Variants in NT5DC1 observed in about 807,000 individuals in gnomAD.
NT5DC1 encodes the protein 5'-nucleotidase domain-containing protein 1.
NT5DC1 carries 42 observed loss-of-function variants against 59.4 expected under a neutral mutation model. The ratio of observed to expected loss-of-function variants is 0.71; its 90% CI spans 0.55 to 0.92. The LOEUF (loss-of-function observed/expected upper bound fraction) is 0.92, where lower values mean the gene tolerates loss of function less well. Ranked by LOEUF, NT5DC1 falls within the 40% of genes least tolerant of loss-of-function variation. The probability of loss-of-function intolerance (pLI) is 0.00; values close to 1 mark genes in which losing one functional copy is unlikely to be tolerated. For synonymous variants in NT5DC1, 172 were observed against 188.1 expected, an observed-to-expected ratio of 0.91 and a Z score of 0.70; for missense variants, 501 against 537.1, an observed-to-expected ratio of 0.93 and a Z score of 0.66.
chr6:116,224,503 A>G (rs1367872315), intron 8 of NT5DC1, among the ~76,000 whole-genome samples: 1 of 152,242 alleles, frequency 6.6e-6, no homozygotes, highest in African/African-American at 2.4e-5. Flanking sequence ...AGGCCTCCTT[A>G]GAGTGGCTGG....
chr6:116,120,528 G>C, intron 6 of NT5DC1: 1 of 1,614,032 alleles, frequency 6.2e-7, no homozygotes, highest in Non-Finnish European at 8.5e-7. Flanking sequence ...CTGGGCCTTT[G>C]GCCTGCCTTT....
At chr6:116,224,587 G>A (rs1248087665) in intron 8 of NT5DC1, among the ~76,000 whole-genome samples, 1 of 152,214 alleles carries the variant, frequency 6.6e-6, no homozygotes, top group Non-Finnish European at 1.5e-5. Context: ...GTGCTGAGAA[G>A]AGCAGAGGAA....
At chr6:116,108,236 A>T (rs1205248783) in intron 2 of NT5DC1, 128 bp from the exon 3 acceptor site, 2 of 661,084 alleles carry the variant, frequency 3.0e-6, no homozygotes, top group Non-Finnish European at 5.4e-6. Flanking sequence ...TAATTGTGTG[A>T]TTAACATATC....
chr6:116,135,790 ATAAAT>A (rs1170176829), intron 6 of NT5DC1, among the ~76,000 whole-genome samples: 1 of 146,946 alleles, frequency 6.8e-6, no homozygotes, highest in Admixed American at 6.9e-5. Context: ...GTTATAAGTG[ATAAAT>A]TAAAAGTATA....
intron 6 of NT5DC1, among the ~76,000 whole-genome samples, chr6:116,166,988 G>A (rs1780484139): frequency 6.6e-6 from 1 of 152,014 alleles, no homozygotes; most frequent in Admixed American, 6.6e-5. Flanking sequence ...ACTCTGTACA[G>A]AGTTGCATAT....
At chr6:116,199,230 C>T (rs1027129775) in intron 6 of NT5DC1, among the ~76,000 whole-genome samples, 8 of 152,036 alleles carry the variant, frequency 5.3e-5, no homozygotes, top group Non-Finnish European at 1.2e-4. Context: ...TTGTCAGTTA[C>T]GCCTATTAAA....
At chr6:116,106,474 T>C (rs1778771114) in intron 2 of NT5DC1, 139 bp downstream of exon 2, 1 of 600,294 alleles carries the variant, frequency 1.7e-6, no homozygotes, top group Admixed American at 3.2e-5. Flanking sequence ...AAATGCCTTC[T>C]ATATTAAAAG....
At chr6:116,173,382 G>T (rs1251048365) in intron 6 of NT5DC1, among the ~76,000 whole-genome samples, 1 of 152,132 alleles carries the variant, frequency 6.6e-6, no homozygotes, top group African/African-American at 2.4e-5. Context: ...CTCCCATCTG[G>T]GGTGGGAAAA....
intron 6 of NT5DC1, among the ~76,000 whole-genome samples, chr6:116,155,536 C>CTA (rs921565612): frequency 1.1e-4 from 17 of 152,082 alleles, no homozygotes; most frequent in African/African-American, 4.1e-4. Context: ...AGCAAACAAT[C>CTA]TAAACAATTT....
chr6:116,124,078 A>G (rs1418452760), intron 6 of NT5DC1, among the ~76,000 whole-genome samples: 1 of 151,972 alleles, frequency 6.6e-6, no homozygotes, highest in East Asian at 1.9e-4. Context: ...ATTTTTATTT[A>G]TATTTTGAGA....
At chr6:116,183,376 T>C (rs766575301) in intron 6 of NT5DC1, among the ~76,000 whole-genome samples, 31 of 152,240 alleles carry the variant, frequency 2.0e-4, no homozygotes, top group Middle Eastern at 3.4e-3. Flanking sequence ...TGGTGCCATA[T>C]GAATTTTAGG....
At chr6:116,101,218 C>T (rs1361616747) in intron 1 of NT5DC1, among the ~76,000 whole-genome samples, 195 bp downstream of exon 1, 1 of 152,178 alleles carries the variant, frequency 6.6e-6, no homozygotes, top group Non-Finnish European at 1.5e-5. Context: ...CCGTGGGGAC[C>T]GGCACATTTA....
intron 6 of NT5DC1, among the ~76,000 whole-genome samples, chr6:116,176,785 C>A (rs1176858008): frequency 6.6e-6 from 1 of 152,106 alleles, no homozygotes; most frequent in Non-Finnish European, 1.5e-5. Context: ...GCACTGTGGG[C>A]TAGGAGGATT....
At chr6:116,183,570 G>C (rs1040130729) in intron 6 of NT5DC1, among the ~76,000 whole-genome samples, 10 of 151,786 alleles carry the variant, frequency 6.6e-5, no homozygotes, top group Admixed American at 1.3e-4. Context: ...ATTTCTTTCA[G>C]CAATGTTTTG....
chr6:116,220,392 C>T (rs1359620770), intron 6 of NT5DC1, among the ~76,000 whole-genome samples: 4 of 152,080 alleles, frequency 2.6e-5, no homozygotes, highest in East Asian at 1.9e-4. Context: ...AGCCAGACCC[C>T]GTGGCCACTC....
At chr6:116,114,251 ATT>A (rs545280805) in intron 4 of NT5DC1, among the ~76,000 whole-genome samples, 2 of 150,172 alleles carry the variant, frequency 1.3e-5, no homozygotes, top group African/African-American at 4.9e-5. Flanking sequence ...GAAAACTTTG[ATT>A]TTTTTTTTAT....
chr6:116,157,198 G>A (rs1780217554), intron 6 of NT5DC1, among the ~76,000 whole-genome samples: 1 of 152,108 alleles, frequency 6.6e-6, no homozygotes, highest in African/African-American at 2.4e-5. Flanking sequence ...TCTACCTCAT[G>A]TTTTCATTAT....
chr6:116,238,218 A>T lies in NT5DC1; in HGVS notation c.953A>T (p.Asp318Val). 6.2e-7 allele frequency: 1 copy of T among 1,612,452 alleles called. No individual in the cohort carries two copies. The highest frequency in any genetic ancestry group is 8.5e-7 in the Non-Finnish European group (1 of 1,179,092). The stretch of plus-strand genomic sequence containing the variant: ...TATTTTGGTGACAGCATGCATTCAG[A>T]TATTTTCCCAGCTCGTCACTATAGT... ...VVYFGDSMHS[D>V]IFPARHYSNW... Residue 318 changes from aspartate (D) to valine (V), a missense_variant, in exon 10 of 12, where the codon GAT (aspartate) becomes GTT (valine). Physicochemically the swap from Asp to Val is radical, Grantham distance 152 (BLOSUM62 -3). Transcript: ENST00000319550.
At position 116,238,983 on chromosome 6, in the gene NT5DC1, C is replaced by T; in HGVS notation, c.1112C>T (p.Ser371Leu). The change falls in exon 11 of 12, where the codon TCA (serine) becomes TTA (leucine). Residue 371 changes from serine (S) to leucine (L), a missense_variant. Transcript: ENST00000319550. ...CCAAAAGCAAAACCTTTAAATACTT[C>T]ATCTAAAAAATGGGGCTCTTTTTTT... ...EGPKAKPLNT[S>L]SKKWGSFFID... The T allele has an allele frequency of 6.2e-7, 1 of 1,605,246 alleles. No homozygotes were observed. The highest frequency in any genetic ancestry group is 8.5e-7 in the Non-Finnish European group (1 of 1,172,482).
Sources: gnomAD v4.1 joint callset for allele counts (sites outside exome capture counted in the v4.1 genomes callset) on GRCh38, gnomAD v4.1.1 for gene constraint, MANE v1.5 for transcripts, NCBI Gene and HGNC (gene_info 2026-07-23, HGNC 2026-07-21) for gene names.